The following TRAPPC10 variants were observed in gnomAD, a reference collection of about 807,000 sequenced individuals.
TRAPPC10 encodes trafficking protein particle complex subunit 10, also known as TRAPP 130 kDa subunit.
TRAPPC10 carries 23 observed loss-of-function variants against 125.5 expected under a neutral mutation model. The observed-to-expected ratio is 0.18, with a 90% CI of 0.13 to 0.26. The LOEUF (loss-of-function observed/expected upper bound fraction) is 0.26, where lower values mean the gene tolerates loss of function less well. Ranked by LOEUF, TRAPPC10 falls within the 10% of genes least tolerant of loss-of-function variation. The probability of loss-of-function intolerance (pLI) is 1.00; values close to 1 mark genes in which losing one functional copy is unlikely to be tolerated. For synonymous variants in TRAPPC10, 509 were observed against 518.0 expected (o/e 0.98, Z 0.24); for missense variants, 1,123 against 1,308.4 (o/e 0.86, Z 2.19).
At chr21:44,026,915 C>G (rs535232130) in intron 1 of TRAPPC10, among the ~76,000 whole-genome samples, 6 of 152,186 alleles carry the variant, frequency 3.9e-5, no homozygotes, top group Admixed American at 6.5e-5. Flanking sequence ...ATCCATTTCT[C>G]TGTCTTTCTC....
intron 17 of TRAPPC10, chr21:44,089,587 C>T (rs1257057141): frequency 1.8e-6 from 1 of 547,638 alleles, no homozygotes. Context: ...TGAGGTGACT[C>T]TGGTGATGTG....
intron 2 of TRAPPC10, among the ~76,000 whole-genome samples, chr21:44,032,413 C>T (rs971982961): frequency 4.0e-5 from 5 of 125,718 alleles, no homozygotes; most frequent in South Asian, 2.5e-4. Context: ...GACAGAGTCT[C>T]GTTCTGTCGC....
At chr21:44,029,718 T>C (rs986123702) in intron 1 of TRAPPC10, among the ~76,000 whole-genome samples, 23 of 152,234 alleles carry the variant, frequency 1.5e-4, no homozygotes, top group Non-Finnish European at 3.1e-4. Context: ...CTTTGTGTCC[T>C]CATGGGGCCT....
chr21:44,017,996 C>T (rs2032064025), intron 1 of TRAPPC10, among the ~76,000 whole-genome samples: 1 of 152,102 alleles, frequency 6.6e-6, no homozygotes, highest in African/African-American at 2.4e-5. Context: ...GTGTTATTAG[C>T]CCAACTCCAG....
chr21:44,026,964 T>A (rs1439413745), intron 1 of TRAPPC10, among the ~76,000 whole-genome samples: 1 of 152,212 alleles, frequency 6.6e-6, no homozygotes, highest in Non-Finnish European at 1.5e-5. Context: ...CCCTACAGAA[T>A]AAAGCCAGCC....
rs146830400 is a variant in TRAPPC10 at position 44,069,714 on chromosome 21, C to T, written c.1039-4610C>T. Among the ~76,000 whole-genome samples, 17 of 152,274 alleles carry T rather than the reference C, an allele frequency of 1.1e-4. No homozygotes were observed. In the East Asian group the frequency reaches 2.5e-3, roughly 22 times the overall value. On this transcript the variant is annotated intron_variant, in intron 7 of 22. Transcript: ENST00000291574. ...AGTACACAGAGATACCTGTGGCACC[C>T]GTGAGTCATTGGAGCTGCAAACGGG...
chr21:44,093,479 G>A (rs537280693), intron 19 of TRAPPC10, among the ~76,000 whole-genome samples: 1 of 143,166 alleles, frequency 7.0e-6, no homozygotes, highest in East Asian at 2.2e-4. Flanking sequence ...AAAAATCAGC[G>A]GGGCGTGGTG....
In TRAPPC10 at chr21:44,012,555, T is replaced by C. The variant is rs1277332642; in HGVS notation, c.62T>C (p.Val21Ala). The C allele has an allele frequency of 6.5e-7, 1 of 1,535,368 alleles. No homozygotes were observed. Among genetic ancestry groups the C allele is most frequent in the Non-Finnish European group, 8.8e-7 (1 of 1,139,080 alleles). Residue 21 changes from valine (V) to alanine (A), a missense_variant, in exon 1 of 23, where the codon GTC becomes GCC. By Grantham distance (64) the Val-to-Ala change is moderately conservative. This residue lies in a region of TRAPPC10 where 177 missense variants were observed against 228.9 expected (regional missense o/e 0.77). Coordinates refer to ENST00000291574, the MANE Select transcript of TRAPPC10 (RefSeq NM_003274.5). Reference protein sequence around the residue: ...VIYTMENKPIVTCAGDQNLFT... With the variant: ...VIYTMENKPIATCAGDQNLFT... ...TACACCATGGAGAACAAGCCCATCG[T>C]CACCTGTGAGTGCCCGGAGGCGGGG...
At position 44,055,909 on chromosome 21, in the gene TRAPPC10, C is replaced by T. The variant is rs752852102; in HGVS notation, c.678+16C>T. ...CATGGTTCAGGTACTTGACTCATTA[C>T]AGAACTAGACAGTTCCTTCTCTCCT... On this transcript the variant is annotated intron_variant, in intron 5 of 22. Coordinates refer to ENST00000291574, the MANE Select transcript of TRAPPC10 (RefSeq NM_003274.5). The T allele has an allele frequency of 6.5e-7, 1 of 1,543,440 alleles. No homozygotes were observed. Among genetic ancestry groups the T allele is most frequent in the Non-Finnish European group, 8.9e-7 (1 of 1,129,500 alleles).
chr21:44,027,132 A>G (rs1224066392), intron 1 of TRAPPC10, among the ~76,000 whole-genome samples: 2 of 152,234 alleles, frequency 1.3e-5, no homozygotes, highest in Non-Finnish European at 2.9e-5. Context: ...AATTTGAAGA[A>G]AAATTGTCCT....
At chr21:44,078,369 A>T (rs117418646) in intron 11 of TRAPPC10, among the ~76,000 whole-genome samples, 32 of 151,898 alleles carry the variant, frequency 2.1e-4, no homozygotes, top group Admixed American at 5.3e-4. Context: ...CCAGTGGGTC[A>T]TGTGGTTACC....
At chr21:44,031,836 C>T (rs2035437845) in intron 1 of TRAPPC10, among the ~76,000 whole-genome samples, 1 of 152,222 alleles carries the variant, frequency 6.6e-6, no homozygotes, top group Non-Finnish European at 1.5e-5. Flanking sequence ...TTCACCTTCT[C>T]TGATCCTTGT....
At position 44,079,859 on chromosome 21, in the gene TRAPPC10, C is replaced by T. The variant is rs1016685047; in HGVS notation, c.1610+155C>T. Reference sequence around the variant, plus strand: ...ATAGAAAATGAATGAAATGTCTAGTCGATTTTTTATAATCTAATTTTGAGC... The same window carrying T: ...ATAGAAAATGAATGAAATGTCTAGTTGATTTTTTATAATCTAATTTTGAGC... On this transcript the variant is annotated intron_variant, in intron 12 of 22. Coordinates refer to ENST00000291574, the MANE Select transcript of TRAPPC10 (RefSeq NM_003274.5). 22 of 1,075,170 alleles carry T rather than the reference C, an allele frequency of 2.0e-5. No homozygotes were observed. In the African/African-American group the frequency reaches 2.3e-4, roughly 11 times the overall value. The allele number at this position is 1,075,170 out of a possible 1,614,324, so 66.6% of individuals were successfully genotyped here.
intron 11 of TRAPPC10, among the ~76,000 whole-genome samples, chr21:44,078,463 A>G (rs1473155565): frequency 6.7e-6 from 1 of 150,288 alleles, no homozygotes; most frequent in Non-Finnish European, 1.5e-5. Flanking sequence ...AAAAAAAGTG[A>G]TTGAAATGAG....
chr21:44,083,159 G>A lies in TRAPPC10; in HGVS notation c.2095G>A (p.Val699Ile), dbSNP rs767544696. 2 of 1,614,208 alleles carry A rather than the reference G, an allele frequency of 1.2e-6. No individual in the cohort carries two copies. Among genetic ancestry groups the A allele is most frequent in the Non-Finnish European group, 1.7e-6 (2 of 1,180,044 alleles). ...LNTTGIICRN[V>I]HMLLRRQESS... ...CACGACTGGGATTATCTGCAGAAAC[G>A]TCCACATGCTCCTGAGAAGGCAGGA... Residue 699 changes from valine to isoleucine, a missense_variant, in exon 14 of 23, where the codon GTC becomes ATC. By Grantham distance (29) the Val-to-Ile change is conservative (BLOSUM62 3). Around this residue, in one of 4 missense-constraint regions of TRAPPC10, gnomAD observed 840 missense variants for 902.0 expected, o/e 0.93. Transcript: ENST00000291574.
intron 1 of TRAPPC10, among the ~76,000 whole-genome samples, chr21:44,014,776 T>G (rs897523646): frequency 6.6e-6 from 1 of 152,138 alleles, no homozygotes; most frequent in Non-Finnish European, 1.5e-5. Flanking sequence ...TACACTGTCC[T>G]AGAAGGTGCA....
chr21:44,031,941 T>C (rs1198854420), intron 1 of TRAPPC10, 150 bp from the exon 2 acceptor site: 3 of 657,074 alleles, frequency 4.6e-6, no homozygotes. Flanking sequence ...CTGAGACGTG[T>C]TATGTAGAGG....
Position 44,087,060 on chromosome 21 carries a change from C to G in TRAPPC10, c.2539+100C>G. The G allele has an allele frequency of 1.4e-6, 2 of 1,392,992 alleles. No individual in the cohort carries two copies. Among genetic ancestry groups the G allele is most frequent in the Non-Finnish European group, 2.0e-6 (2 of 1,014,926 alleles). 86.3% of individuals were successfully genotyped at this position (1,392,992 alleles called of 1,614,324 possible). ...GGCCTTGCTGCCATCCTGCTGAGCG[C>G]CCCTCAACAGTGTCTGGAGTCCGTG... is the stretch of plus-strand genomic sequence containing the variant. On this transcript the variant is annotated intron_variant, in intron 16 of 22. Coordinates refer to ENST00000291574, the MANE Select transcript of TRAPPC10 (RefSeq NM_003274.5). This position sits in a 1 kb window ranked among gnomAD's most constrained non-coding sequence, Gnocchi z 4.6.
intron 3 of TRAPPC10, among the ~76,000 whole-genome samples, chr21:44,047,529 A>AGTGTGTGTGTGTGTGTGTGTGTGTGT (rs775813570): frequency 9.6e-6 from 1 of 104,450 alleles, no homozygotes; most frequent in Admixed American, 9.7e-5. Context: ...TCTCTGGGGG[A>AGTGTGTGTGTGTGTGTGTGTGTGTGT]GTATGTGTGT....
Sources: allele counts gnomAD v4.1 joint callset (sites outside exome capture counted in the v4.1 genomes callset), GRCh38; gene constraint gnomAD v4.1.1; regional missense constraint gnomAD v4.1.1; non-coding constraint Gnocchi (gnomAD v3.1); transcripts MANE v1.5; gene names NCBI Gene and HGNC (gene_info 2026-07-23, HGNC 2026-07-21).